The following MAGI2 variants were observed in gnomAD, a reference collection of about 807,000 sequenced individuals.
The protein encoded by MAGI2 is membrane-associated guanylate kinase, WW and PDZ domain-containing protein 2.
A neutral mutation model predicts 133.3 loss-of-function variants in MAGI2; 35 were observed. The ratio of observed to expected loss-of-function variants is 0.26; its 90% CI spans 0.20 to 0.35. The LOEUF is 0.35. Ranked by LOEUF, MAGI2 falls within the 10% of genes least tolerant of loss-of-function variation. MAGI2 has a pLI of 1.00. For missense variants in MAGI2, 1,636 were observed against 1,863.4 expected (o/e 0.88, Z 2.25); for synonymous variants, 729 against 710.6 (o/e 1.03, Z -0.41).
At chr7:78,984,556 A>C (rs544454766) in intron 2 of MAGI2, among the ~76,000 whole-genome samples, 76 of 151,554 alleles carry the variant, frequency 5.0e-4, no homozygotes, top group African/African-American at 1.6e-3. Flanking sequence ...GGTTCTGTCC[A>C]CTCTGTTTAG....
At chr7:79,145,108 T>C (rs914110843) in intron 1 of MAGI2, among the ~76,000 whole-genome samples, 5 of 152,164 alleles carry the variant, frequency 3.3e-5, no homozygotes, top group African/African-American at 1.2e-4. Flanking sequence ...GGGAAGTTGT[T>C]ATTTAACATA....
In MAGI2 at chr7:78,402,900, T is replaced by G. The variant is rs141535811; in HGVS notation, c.1046-33687A>C. The stretch of plus-strand genomic sequence containing the variant: ...TGAGAAAATACCATTAAAGGCAAGT[T>G]TTAAAAATATATTGGTATAAATTTA... On this transcript the variant is annotated intron_variant, in intron 6 of 21. Coordinates refer to ENST00000354212, the MANE Select transcript of MAGI2 (RefSeq NM_012301.4). Among the ~76,000 whole-genome samples the G allele has an allele frequency of 2.6e-4, 39 of 152,310 alleles. 1 individual carries two copies. The East Asian group carries it at 7.3e-3, about 29-fold the overall frequency.
intron 2 of MAGI2, among the ~76,000 whole-genome samples, chr7:78,881,647 T>C (rs918547185): frequency 7.2e-5 from 11 of 151,840 alleles, no homozygotes; most frequent in African/African-American, 2.4e-4. Flanking sequence ...ATCAATAAGA[T>C]CTCTCAAAAC....
chr7:79,391,836 A>G (rs1196450214), intron 1 of MAGI2, among the ~76,000 whole-genome samples: 2 of 151,896 alleles, frequency 1.3e-5, no homozygotes. Context: ...GGCGCACGCC[A>G]CCACACCCGG....
intron 1 of MAGI2, among the ~76,000 whole-genome samples, chr7:79,088,450 T>A (rs1373862293): frequency 6.6e-6 from 1 of 152,142 alleles, no homozygotes; most frequent in Non-Finnish European, 1.5e-5. Flanking sequence ...AATCATGTCA[T>A]CTGCAAACAG....
At position 78,330,641 on chromosome 7, in the gene MAGI2, A is replaced by G. The variant is rs979408525; in HGVS notation, c.1408+13137T>C. 3.0e-4 allele frequency among the ~76,000 whole-genome samples: 11 copies of G among 36,578 alleles called. 1 individual carries two copies. Among genetic ancestry groups the G allele is most frequent in the African/African-American group, 1.3e-3 (10 of 7,496 alleles). 24.0% of individuals were successfully genotyped at this position (36,578 alleles called of 152,430 possible). On this transcript the variant is annotated intron_variant, in intron 9 of 21. Transcript: ENST00000354212. ...AAAAAAAAAAAAAAAAAAAAAAAAAAAAAGAAAGATTCCTTCACTTATTTA... is the reference window on the plus strand; with the variant it reads ...AAAAAAAAAAAAAAAAAAAAAAAAAGAAAGAAAGATTCCTTCACTTATTTA...
At chr7:79,052,718 T>A (rs1812787390) in intron 1 of MAGI2, among the ~76,000 whole-genome samples, 1 of 152,208 alleles carries the variant, frequency 6.6e-6, no homozygotes, top group Admixed American at 6.5e-5. Context: ...GTCTATCTTT[T>A]ATCAATTAAC....
intron 3 of MAGI2, among the ~76,000 whole-genome samples, chr7:78,623,221 A>G (rs1807934184): frequency 6.6e-6 from 1 of 152,064 alleles, no homozygotes; most frequent in Non-Finnish European, 1.5e-5. Context: ...TACAAACAAA[A>G]AGTCATATTG....
At chr7:78,077,700 T>G (rs1026524307) in intron 21 of MAGI2, among the ~76,000 whole-genome samples, 2 of 145,548 alleles carry the variant, frequency 1.4e-5, no homozygotes, top group Non-Finnish European at 3.0e-5. Flanking sequence ...AAGAATAATC[T>G]GAAATGAAAA....
chr7:78,931,503 T>G (rs572033776), intron 2 of MAGI2, among the ~76,000 whole-genome samples: 8 of 152,222 alleles, frequency 5.3e-5, no homozygotes, highest in Admixed American at 4.6e-4. Context: ...TGAATTCAGA[T>G]GCCAGAGTGA....
chr7:78,668,942 G>C (rs955841028), intron 2 of MAGI2, among the ~76,000 whole-genome samples: 13 of 152,018 alleles, frequency 8.6e-5, no homozygotes, highest in African/African-American at 2.2e-4. Context: ...GAAATTTATA[G>C]CACTAAATGC....
chr7:78,853,318 C>G (rs1793304721), intron 2 of MAGI2, among the ~76,000 whole-genome samples: 1 of 106,494 alleles, frequency 9.4e-6, no homozygotes, highest in African/African-American at 3.7e-5. Context: ...TCATATTACT[C>G]TTGTCCATTC....
intron 9 of MAGI2, among the ~76,000 whole-genome samples, chr7:78,296,738 A>T (rs1197054816): frequency 6.6e-6 from 1 of 152,208 alleles, no homozygotes; most frequent in Non-Finnish European, 1.5e-5. Flanking sequence ...TTGCTTAAGC[A>T]TCAGAGGGAA....
At chr7:78,538,271 A>C (rs1269456949) in intron 3 of MAGI2, among the ~76,000 whole-genome samples, 1 of 151,982 alleles carries the variant, frequency 6.6e-6, no homozygotes, top group East Asian at 1.9e-4. Flanking sequence ...GATGCCTCCA[A>C]ATTTGTTCTT....
chr7:79,146,799 T>C lies in MAGI2; in HGVS notation c.302-139593A>G, dbSNP rs536997144. Among the ~76,000 whole-genome samples the C allele has an allele frequency of 3.3e-5, 5 of 152,354 alleles. No homozygotes were observed. In the East Asian group the frequency reaches 9.7e-4, roughly 29 times the overall value. ...TTACCCAGTCTTAGGTGTGCCTTTA[T>C]TGGCAGTGTGAGAACAGGCTAACAC... On this transcript the variant is annotated intron_variant, in intron 1 of 21. Transcript: ENST00000354212.
At chr7:78,517,931 T>C (rs1350690531) in intron 4 of MAGI2, 3 of 151,838 alleles carry the variant, frequency 2.0e-5, no homozygotes, top group Non-Finnish European at 4.4e-5. Context: ...GTCATTGAGT[T>C]TAGATAGATA....
In MAGI2 at chr7:78,339,061, T is replaced by C. The variant is rs181080193; in HGVS notation, c.1408+4717A>G. ...TACTCTCCTGACTTTGTGCCAATAT[T>C]GTGGTTATTACGTACCTATTATATT... On this transcript the variant is annotated intron_variant, in intron 9 of 21. Coordinates refer to ENST00000354212, the MANE Select transcript of MAGI2 (RefSeq NM_012301.4). Among the ~76,000 whole-genome samples the C allele has an allele frequency of 7.2e-5, 11 of 152,324 alleles. No individual in the cohort carries two copies. In the East Asian group the frequency reaches 2.1e-3, roughly 29 times the overall value.
chr7:79,293,364 T>C (rs1273713755), intron 1 of MAGI2, among the ~76,000 whole-genome samples: 1 of 152,216 alleles, frequency 6.6e-6, no homozygotes, highest in Admixed American at 6.5e-5. Context: ...TATATAAAAA[T>C]TTCCCATTTA....
intron 10 of MAGI2, chr7:78,253,969 A>C (rs970628924): frequency 2.0e-5 from 3 of 152,144 alleles, no homozygotes; most frequent in African/African-American, 7.2e-5. Context: ...GATGAGTATA[A>C]ATTGTGGGAA....
Sources: allele counts gnomAD v4.1 joint callset (sites outside exome capture counted in the v4.1 genomes callset), GRCh38; gene constraint gnomAD v4.1.1; transcripts MANE v1.5; gene names NCBI Gene and HGNC (gene_info 2026-07-23, HGNC 2026-07-21).